The following GABRG1 variants were observed in gnomAD, a reference collection of about 807,000 sequenced individuals.
GABRG1 encodes the protein gamma-aminobutyric acid type A receptor subunit gamma1.
GABRG1 carries 49 observed loss-of-function variants against 49.8 expected under a neutral mutation model. That is an observed-to-expected ratio of 0.98 (90% CI 0.78 to 1.25). The LOEUF (loss-of-function observed/expected upper bound fraction) is 1.25, where lower values mean the gene tolerates loss of function less well. Ranked by LOEUF, GABRG1 falls within the 50% of genes most tolerant of loss-of-function variation. The pLI is 0.00. For missense variants in GABRG1, 552 were observed against 552.3 expected, an observed-to-expected ratio of 1.00 and a Z score of 0.01; for synonymous variants, 232 against 185.1, an observed-to-expected ratio of 1.25 and a Z score of -2.06.
chr4:46,046,122 GTTTA>G (rs1717989386), intron 8 of GABRG1, among the ~76,000 whole-genome samples: 1 of 152,062 alleles, frequency 6.6e-6, no homozygotes, highest in Admixed American at 6.6e-5. Context: ...TGTTCTATTT[GTTTA>G]TTTATGAATT....
chr4:46,045,657 TA>T (rs1340972806), intron 8 of GABRG1, among the ~76,000 whole-genome samples: 7 of 152,008 alleles, frequency 4.6e-5, no homozygotes, highest in African/African-American at 1.7e-4. Flanking sequence ...GCACTAGAAT[TA>T]ATCACAATAA....
At chr4:46,094,212 C>T (rs1008280593) in intron 2 of GABRG1, among the ~76,000 whole-genome samples, 4 of 151,806 alleles carry the variant, frequency 2.6e-5, no homozygotes, top group African/African-American at 9.7e-5. Context: ...TAGAAGTAAA[C>T]AAAAATTAAG....
At chr4:46,075,565 C>T (rs1306247383) in intron 3 of GABRG1, among the ~76,000 whole-genome samples, 2 of 151,988 alleles carry the variant, frequency 1.3e-5, no homozygotes, top group East Asian at 3.9e-4. Context: ...GGCCTGAGAA[C>T]TTGGTTTTTT....
intron 5 of GABRG1, among the ~76,000 whole-genome samples, chr4:46,062,287 TG>T (rs1430473222): frequency 1.3e-5 from 2 of 151,946 alleles, no homozygotes; most frequent in Admixed American, 1.3e-4. Flanking sequence ...GTTGGACATT[TG>T]GGTTGGTTCC....
intron 2 of GABRG1, among the ~76,000 whole-genome samples, chr4:46,089,776 A>C (rs778168105): frequency 1.3e-5 from 2 of 151,980 alleles, no homozygotes; most frequent in African/African-American, 2.4e-5. Context: ...CAGCCTGGGC[A>C]ACATGGTGAA....
chr4:46,066,883 T>C (rs892742998), intron 3 of GABRG1, among the ~76,000 whole-genome samples: 3 of 151,364 alleles, frequency 2.0e-5, no homozygotes, highest in African/African-American at 7.3e-5. Flanking sequence ...TGCGTGTATA[T>C]ATGTGTGTGT....
intron 1 of GABRG1, among the ~76,000 whole-genome samples, chr4:46,109,632 C>T (rs182332707): frequency 1.3e-5 from 2 of 150,868 alleles, no homozygotes; most frequent in South Asian, 2.1e-4. Context: ...TTATTTTAAC[C>T]TTTTCAGGCC....
intron 3 of GABRG1, among the ~76,000 whole-genome samples, chr4:46,078,638 T>G (rs991698634): frequency 2.6e-5 from 4 of 151,986 alleles, no homozygotes; most frequent in African/African-American, 9.7e-5. Flanking sequence ...TCTCCATATG[T>G]TTAGAATGCT....
chr4:46,066,079 T>C (rs1351280970), intron 3 of GABRG1, among the ~76,000 whole-genome samples: 1 of 152,152 alleles, frequency 6.6e-6, no homozygotes. Flanking sequence ...TTTCAAGTAG[T>C]TATTGTTGCA....
intron 1 of GABRG1, among the ~76,000 whole-genome samples, chr4:46,108,895 T>C (rs1202494076): frequency 4.0e-5 from 6 of 151,078 alleles, no homozygotes; most frequent in Admixed American, 2.0e-4. Flanking sequence ...AAAGTCTCCT[T>C]TGGGTTTCTT....
intron 1 of GABRG1, among the ~76,000 whole-genome samples, chr4:46,102,653 A>C (rs1720419892): frequency 6.6e-6 from 1 of 151,626 alleles, no homozygotes; most frequent in South Asian, 2.1e-4. Flanking sequence ...AAAATCTTTG[A>C]GTCATTTAGT....
chr4:46,080,203 C>T (rs990782640), intron 3 of GABRG1, among the ~76,000 whole-genome samples: 1 of 151,668 alleles, frequency 6.6e-6, no homozygotes, highest in Non-Finnish European at 1.5e-5. Flanking sequence ...TTAAAAAAAA[C>T]TAATATATTA....
At chr4:46,049,713 G>C (rs931705140) in intron 8 of GABRG1, among the ~76,000 whole-genome samples, 2 of 151,908 alleles carry the variant, frequency 1.3e-5, no homozygotes, top group African/African-American at 2.4e-5. Context: ...GTTGATGAAT[G>C]ATTGAATAAC....
At chr4:46,051,849 G>A (rs1345874285) in intron 7 of GABRG1, among the ~76,000 whole-genome samples, 10 of 151,692 alleles carry the variant, frequency 6.6e-5, no homozygotes, top group South Asian at 2.1e-4. Context: ...AAATTACTGC[G>A]GAGTGCAAGT....
rs2109451215 is a variant in GABRG1 at position 46,123,792 on chromosome 4, A to G, written c.104+18T>C. On this transcript the variant is annotated intron_variant, in intron 1 of 8. Transcript: ENST00000295452. ...GGTAGATAGCAAAGAATAGTTTTAA[A>G]CCCCTGAATTTACTCACCAGTTTCC... 3 of 1,576,518 alleles carry G rather than the reference A, an allele frequency of 1.9e-6. No homozygotes were observed. The highest frequency in any genetic ancestry group is 2.6e-6 in the Non-Finnish European group (3 of 1,146,200).
intron 8 of GABRG1, among the ~76,000 whole-genome samples, chr4:46,043,965 C>A (rs1019942517): frequency 2.6e-5 from 4 of 151,730 alleles, no homozygotes; most frequent in African/African-American, 9.7e-5. Context: ...AATTATTATA[C>A]CATCTGCTAA....
At chr4:46,059,461 A>G (rs1165022704) in intron 5 of GABRG1, among the ~76,000 whole-genome samples, 1 of 151,626 alleles carries the variant, frequency 6.6e-6, no homozygotes, top group Non-Finnish European at 1.5e-5. Context: ...ATCTTGGCTC[A>G]CTGCTAATGT....
At chr4:46,099,034 A>G (rs563009195) in intron 1 of GABRG1, among the ~76,000 whole-genome samples, 10 of 151,848 alleles carry the variant, frequency 6.6e-5, no homozygotes, top group African/African-American at 2.4e-4. Context: ...AGAATTTACT[A>G]TATTATTTCA....
At chr4:46,061,958 G>A (rs1175151164) in intron 5 of GABRG1, among the ~76,000 whole-genome samples, 4 of 151,106 alleles carry the variant, frequency 2.6e-5, no homozygotes, top group African/African-American at 7.3e-5. Flanking sequence ...CATGTGCCAT[G>A]CTGGTGTGCT....
Sources: allele counts gnomAD v4.1 joint callset (sites outside exome capture counted in the v4.1 genomes callset), GRCh38; gene constraint gnomAD v4.1.1; transcripts MANE v1.5; gene names NCBI Gene and HGNC (gene_info 2026-07-23, HGNC 2026-07-21).